MYLK4: variants seen among roughly 807,000 people sequenced by gnomAD.
The protein encoded by MYLK4 is caMLCK like.
MYLK4 carries 46 observed loss-of-function variants against 48.1 expected under a neutral mutation model. The ratio of observed to expected loss-of-function variants is 0.96; its 90% CI spans 0.75 to 1.22. MYLK4 has a LOEUF of 1.22. Ranked by LOEUF, MYLK4 falls within the 50% of genes most tolerant of loss-of-function variation. MYLK4 has a pLI of 0.00. For synonymous variants in MYLK4, 170 were observed against 180.8 expected (o/e 0.94, Z 0.48); for missense variants, 451 against 486.1 (o/e 0.93, Z 0.68).
chr6:2,680,640 T>G, intron 7 of MYLK4: 1 of 866,406 alleles, frequency 1.2e-6, no homozygotes, highest in Non-Finnish European at 1.4e-6. Context: ...CCCCTCTAAA[T>G]TATTCAGTAT....
chr6:2,679,405 G>C lies in MYLK4; in HGVS notation c.762C>G (p.Tyr254Ter). The C allele has an allele frequency of 1.2e-6, 2 of 1,614,160 alleles. No individual in the cohort carries two copies. The highest frequency in any genetic ancestry group is 1.7e-6 in the Non-Finnish European group (2 of 1,180,022). Residue 254 changes from tyrosine (Y) to a stop codon, truncating the protein, a stop_gained, in exon 9 of 13, where the codon TAC becomes TAG. Coordinates refer to ENST00000274643, the MANE Select transcript of MYLK4 (RefSeq NM_001012418.5). LOFTEE classifies it high-confidence loss of function. ...KIIDFGLARR[Y>*]KPREKLKVNF... Reference sequence around the variant, plus strand: ...TCACCTTCAGCTTCTCTCTGGGTTTGTATCTGCAATTTAAGAGACAAAGTG... The same window carrying C: ...TCACCTTCAGCTTCTCTCTGGGTTTCTATCTGCAATTTAAGAGACAAAGTG...
At chr6:2,692,306 T>C (rs1761833447) in intron 3 of MYLK4, among the ~76,000 whole-genome samples, 1 of 152,216 alleles carries the variant, frequency 6.6e-6, no homozygotes, top group African/African-American at 2.4e-5. Flanking sequence ...TCTTGTCTTT[T>C]TGTGTGAAAT....
the MYLK4 span, among the ~76,000 whole-genome samples, chr6:2,763,376 G>A: frequency 4.6e-5 from 7 of 152,330 alleles, no homozygotes; most frequent in East Asian, 1.9e-4. Context: ...CCTGGGTGCC[G>A]TGAGGCAGTA....
upstream of MYLK4, among the ~76,000 whole-genome samples, chr6:2,751,737 T>C (rs560727762): frequency 6.0e-5 from 9 of 149,272 alleles, no homozygotes; most frequent in Non-Finnish European, 1.3e-4. Flanking sequence ...CTGCTTCTTT[T>C]AAAAAAAAAA....
chr6:2,668,371 T>C (rs1299809654), intron 12 of MYLK4, among the ~76,000 whole-genome samples: 2 of 152,186 alleles, frequency 1.3e-5, no homozygotes, highest in Non-Finnish European at 2.9e-5. Flanking sequence ...CTACCTGCCA[T>C]CATTCCTGTG....
the MYLK4 span, chr6:2,765,591 CGCGCCGG>C: frequency 3.4e-6 from 5 of 1,467,324 alleles, no homozygotes; most frequent in South Asian, 1.3e-5. Flanking sequence ...TTGCTGCGGC[CGCGCCGG>C]GCGCCGGGGA....
At chr6:2,738,536 CT>C (rs1381530215) in intron 2 of MYLK4, among the ~76,000 whole-genome samples, 1 of 152,244 alleles carries the variant, frequency 6.6e-6, no homozygotes, top group Non-Finnish European at 1.5e-5. Context: ...AATGCTGGGA[CT>C]TCACTGCATT....
In MYLK4 at chr6:2,683,305, A is replaced by G. The variant is rs894850380; in HGVS notation, c.546-143T>C. ...ATTTCTCTGCCTTCTTTACTATCTT[A>G]CTTAGATGATTCTTATCTTGAAGGC... On this transcript the variant is annotated intron_variant, in intron 6 of 12. Transcript: ENST00000274643. 3 of 854,554 alleles carry G rather than the reference A, an allele frequency of 3.5e-6. No individual in the cohort carries two copies. In the South Asian group the frequency reaches 5.2e-5, roughly 15 times the overall value. 52.9% of individuals were successfully genotyped at this position (854,554 alleles called of 1,614,324 possible). A position where few individuals can be genotyped will look rare whatever the true frequency, so the allele number is the denominator to read the frequency against.
At chr6:2,769,564 T>C in the MYLK4 span, among the ~76,000 whole-genome samples, 1 of 152,188 alleles carries the variant, frequency 6.6e-6, no homozygotes, top group East Asian at 1.9e-4. Context: ...ACTGAGCCTT[T>C]TTTGAACCTT....
Position 2,678,371 on chromosome 6 carries a change from G to A in MYLK4, c.889C>T (p.Leu297Phe). The stretch of plus-strand genomic sequence containing the variant: ...CCCAGGAAAGGCGACAAACCGCTAA[G>A]TCTGGAGGACACGGGGTCCAGAGTG... Reference protein sequence around the residue: ...WSVGVIAYMLLSGLSPFLGDN... With the variant: ...WSVGVIAYMLFSGLSPFLGDN... The change falls in exon 10 of 13, where the codon CTT (leucine) becomes TTT (phenylalanine). Residue 297 changes from leucine to phenylalanine, a missense_variant and splice_region_variant. Leu to Phe is a conservative substitution (Grantham distance 22). Transcript: ENST00000274643. 6.2e-7 allele frequency: 1 copy of A among 1,613,878 alleles called. No individual in the cohort carries two copies. The highest frequency in any genetic ancestry group is 1.7e-4 in the Middle Eastern group (1 of 5,866).
chr6:2,770,291 C>G, the MYLK4 span: 4 of 1,614,054 alleles, frequency 2.5e-6, no homozygotes, highest in South Asian at 3.3e-5. Context: ...GATCAACTCC[C>G]TGGGAATCCA....
At chr6:2,725,718 T>C (rs901184501) in intron 2 of MYLK4, among the ~76,000 whole-genome samples, 2 of 152,232 alleles carry the variant, frequency 1.3e-5, no homozygotes, top group African/African-American at 2.4e-5. Context: ...GTAAAGCTTA[T>C]CTTTTAACTA....
rs1297029695 is a variant in MYLK4 at position 2,723,953 on chromosome 6, G to C, written c.159+25183C>G. 3.3e-5 allele frequency among the ~76,000 whole-genome samples: 5 copies of C among 151,796 alleles called. No homozygotes were observed. The South Asian group carries it at 1.0e-3, about 32-fold the overall frequency. ...GGGCAGTGGCGTGATCTCGGCTCAC[G>C]GCAACCTCCGCCTCCCAGGCTCAAG... On this transcript the variant is annotated intron_variant, in intron 2 of 12. Transcript: ENST00000274643.
chr6:2,765,082 T>C, the MYLK4 span, among the ~76,000 whole-genome samples: 8 of 151,648 alleles, frequency 5.3e-5, no homozygotes, highest in Non-Finnish European at 7.4e-5. Context: ...CCTCGCGCAG[T>C]CCGTGGCTCC....
chr6:2,708,199 G>A (rs971697784), intron 2 of MYLK4, among the ~76,000 whole-genome samples: 5 of 152,064 alleles, frequency 3.3e-5, no homozygotes, highest in Non-Finnish European at 5.9e-5. Flanking sequence ...ATAAAAGTTG[G>A]GAAAGTTGAC....
intron 12 of MYLK4, among the ~76,000 whole-genome samples, chr6:2,670,976 A>G (rs1006704432): frequency 5.3e-5 from 8 of 151,926 alleles, no homozygotes; most frequent in Admixed American, 1.3e-4. Context: ...TGGGCTGGTT[A>G]TTGATCCCTC....
chr6:2,699,287 CTTTTTTT>C (rs56959282), intron 2 of MYLK4, among the ~76,000 whole-genome samples: 3 of 77,892 alleles, frequency 3.9e-5, no homozygotes, highest in African/African-American at 1.1e-4. Context: ...CTTTTCTTTT[CTTTTTTT>C]TTTTTTTTTT....
intron 1 of MYLK4, 115 bp from the exon 2 acceptor site, chr6:2,749,521 C>A (rs1764213775): frequency 5.4e-6 from 2 of 368,290 alleles, no homozygotes; most frequent in Non-Finnish European, 4.9e-6. Flanking sequence ...AGAGAGGATC[C>A]AAAATCAGGA....
At chr6:2,696,713 T>C (rs1762074218) in intron 2 of MYLK4, among the ~76,000 whole-genome samples, 1 of 152,270 alleles carries the variant, frequency 6.6e-6, no homozygotes, top group Non-Finnish European at 1.5e-5. Context: ...AAAAATATAT[T>C]GATACAATTG....
Sources: allele counts gnomAD v4.1 joint callset (sites outside exome capture counted in the v4.1 genomes callset), GRCh38; gene constraint gnomAD v4.1.1; transcripts MANE v1.5; gene names NCBI Gene and HGNC (gene_info 2026-07-23, HGNC 2026-07-21).